The following TRDN variants were observed in gnomAD, a reference collection of about 807,000 sequenced individuals.
The protein encoded by TRDN is triadin.
A neutral mutation model predicts 149.7 loss-of-function variants in TRDN; 161 were observed. The ratio of observed to expected loss-of-function variants is 1.08; its 90% CI spans 0.95 to 1.23. TRDN has a LOEUF of 1.23. Among genes scored for constraint, TRDN ranks in the 50% most tolerant of loss-of-function variants. TRDN has a pLI of 0.00. For synonymous variants in TRDN, 294 were observed against 250.5 expected (o/e 1.17, Z -1.64); for missense variants, 896 against 823.5 (o/e 1.09, Z -1.08).
intron 9 of TRDN, chr6:123,470,500 C>T (rs535647416): frequency 3.9e-5 from 6 of 152,202 alleles, no homozygotes; most frequent in Admixed American, 2.0e-4. Flanking sequence ...AAAAGCAAGT[C>T]AATATTTCAG....
At chr6:123,310,569 A>G (rs1432618429) in intron 24 of TRDN, among the ~76,000 whole-genome samples, 1 of 152,030 alleles carries the variant, frequency 6.6e-6, no homozygotes, top group African/African-American at 2.4e-5. Context: ...TGAAGTCATT[A>G]TATGACAACT....
chr6:123,632,192 C>T (rs1732185931), intron 1 of TRDN, among the ~76,000 whole-genome samples: 2 of 152,156 alleles, frequency 1.3e-5, no homozygotes, highest in Non-Finnish European at 2.9e-5. Context: ...GTTGTTTGTA[C>T]TGTAGAGGTT....
chr6:123,239,098 C>T (rs1236845996), intron 38 of TRDN, among the ~76,000 whole-genome samples: 1 of 152,146 alleles, frequency 6.6e-6, no homozygotes, highest in Non-Finnish European at 1.5e-5. Flanking sequence ...CTCGGCCTTC[C>T]AAAGTGCTGG....
intron 24 of TRDN, among the ~76,000 whole-genome samples, chr6:123,289,445 G>A (rs1177636679): frequency 6.6e-6 from 1 of 151,978 alleles, no homozygotes; most frequent in African/African-American, 2.4e-5. Context: ...ATAATAATGA[G>A]GTAGGGGGCA....
chr6:123,276,745 T>C (rs919356924), intron 26 of TRDN, among the ~76,000 whole-genome samples: 1 of 152,138 alleles, frequency 6.6e-6, no homozygotes, highest in African/African-American at 2.4e-5. Context: ...ATGAATTGAA[T>C]GTGACACTAG....
intron 10 of TRDN, among the ~76,000 whole-genome samples, chr6:123,442,858 C>T (rs1448506537): frequency 6.6e-6 from 1 of 152,012 alleles, no homozygotes; most frequent in Non-Finnish European, 1.5e-5. Context: ...ATAAGCAAGA[C>T]AGAAACATGT....
intron 7 of TRDN, among the ~76,000 whole-genome samples, chr6:123,504,264 G>C (rs1374247037): frequency 1.3e-5 from 2 of 152,000 alleles, no homozygotes; most frequent in East Asian, 3.9e-4. Context: ...TTCTGTGAAA[G>C]ACAATTTCCA....
At position 123,516,199 on chromosome 6, in the gene TRDN, G is replaced by C. The variant is rs1297991573; in HGVS notation, c.492C>G (p.His164Gln). ...TTTCTTTTCCTTTTTCTTTTTCTTT[G>C]TGTGTAACTGAAAAGAAACAGATAA... ...PERKIQTKVT[H>Q]KEKEKGKEKV... is the part of the protein sequence containing the mutation. The change falls in exon 6 of 41, where the codon CAC becomes CAG. Residue 164 changes from histidine to glutamine, a missense_variant. His to Gln is a conservative substitution (Grantham distance 24). Transcript: ENST00000334268. 6.8e-7 allele frequency: 1 copy of C among 1,461,226 alleles called. No individual in the cohort carries two copies. Among genetic ancestry groups the C allele is most frequent in the East Asian group, 2.7e-5 (1 of 36,856 alleles). The allele number at this position is 1,461,226 out of a possible 1,614,324, so 90.5% of individuals were successfully genotyped here.
intron 12 of TRDN, among the ~76,000 whole-genome samples, chr6:123,415,724 T>C (rs1238824077): frequency 6.6e-6 from 1 of 152,168 alleles, no homozygotes; most frequent in Non-Finnish European, 1.5e-5. Context: ...TAAAGGTCAA[T>C]GGTACCTCAG....
Position 123,271,166 on chromosome 6 carries a change from C to T in TRDN, c.1693G>A (p.Val565Ile), listed in dbSNP as rs565178454. Residue 565 changes from valine to isoleucine, a missense_variant, in exon 30 of 41, where the codon GTA becomes ATA. Val to Ile is a conservative substitution (Grantham distance 29, BLOSUM62 3). Coordinates refer to ENST00000334268, the MANE Select transcript of TRDN (RefSeq NM_006073.4). Reference protein sequence around the residue: ...GKPEEKVLKQVKAVTIEKTAK... With the variant: ...GKPEEKVLKQIKAVTIEKTAK... Reference sequence around the variant, plus strand: ...GTTTTTTCTATTGTGACAGCTTTTACCTGCTTGAGAACTTTTTCTTCTGTG... The same window carrying T: ...GTTTTTTCTATTGTGACAGCTTTTATCTGCTTGAGAACTTTTTCTTCTGTG... 3.2e-6 allele frequency: 5 copies of T among 1,539,962 alleles called. No individual in the cohort carries two copies. In the East Asian group the frequency reaches 7.2e-5, roughly 22 times the overall value.
intron 24 of TRDN, among the ~76,000 whole-genome samples, chr6:123,280,789 G>A (rs1055210151): frequency 4.6e-5 from 7 of 150,578 alleles, no homozygotes; most frequent in African/African-American, 1.7e-4. Context: ...TTATCATTAT[G>A]TTAGTCATAA....
Position 123,278,373 on chromosome 6 carries a change from A to T in TRDN, c.1538-26T>A, listed in dbSNP as rs969053824. ...CTAAAAATATAGATGAACATTAGTA[A>T]CAATGATTATAGAAAGATATTCATT... On this transcript the variant is annotated intron_variant, in intron 25 of 40. Coordinates refer to ENST00000334268, the MANE Select transcript of TRDN (RefSeq NM_006073.4). 7.3e-6 allele frequency: 9 copies of T among 1,230,170 alleles called. No homozygotes were observed. The South Asian group carries it at 1.4e-4, about 19-fold the overall frequency. 76.2% of individuals were successfully genotyped at this position (1,230,170 alleles called of 1,614,324 possible).
At chr6:123,532,630 C>G (rs944893850) in intron 4 of TRDN, among the ~76,000 whole-genome samples, 5 of 151,912 alleles carry the variant, frequency 3.3e-5, no homozygotes, top group African/African-American at 1.2e-4. Context: ...ATCGCATAAT[C>G]CAATTCCTTG....
intron 24 of TRDN, among the ~76,000 whole-genome samples, chr6:123,284,643 T>C (rs984092569): frequency 6.0e-4 from 91 of 152,012 alleles, no homozygotes; most frequent in Non-Finnish European, 1.3e-3. Flanking sequence ...CTGTTCAACA[T>C]AGTACTGGAA....
chr6:123,577,517 T>C (rs1683709178), intron 1 of TRDN, among the ~76,000 whole-genome samples: 1 of 152,212 alleles, frequency 6.6e-6, no homozygotes, highest in South Asian at 2.1e-4. Flanking sequence ...ATGGTGTATA[T>C]GTACCACATT....
intron 12 of TRDN, among the ~76,000 whole-genome samples, chr6:123,408,260 G>A (rs1271176538): frequency 1.3e-5 from 2 of 152,076 alleles, no homozygotes; most frequent in Non-Finnish European, 2.9e-5. Flanking sequence ...CAAAATCTCT[G>A]AATTTCATTG....
At chr6:123,433,153 TATATATATA>T (rs1298997906) in intron 12 of TRDN, among the ~76,000 whole-genome samples, 3,079 of 62,628 alleles carry the variant, frequency 0.049, 63 homozygotes, top group African/African-American at 0.094. Context: ...AATATATATA[TATATATATA>T]ATATATATAT....
intron 21 of TRDN, chr6:123,351,187 T>C: frequency 3.0e-6 from 3 of 984,096 alleles, no homozygotes; most frequent in Non-Finnish European, 3.6e-6. Flanking sequence ...ATTTATGTCA[T>C]CTGTGTTGAA....
chr6:123,259,639 C>G lies in TRDN; in HGVS notation c.1855G>C (p.Glu619Gln). 4.8e-6 allele frequency: 7 copies of G among 1,470,246 alleles called. No homozygotes were observed. Among genetic ancestry groups the G allele is most frequent in the Non-Finnish European group, 6.4e-6 (7 of 1,086,808 alleles). The allele number at this position is 1,470,246 out of a possible 1,614,324, so 91.1% of individuals were successfully genotyped here. A position where few individuals can be genotyped will look rare whatever the true frequency, so the allele number is the denominator to read the frequency against. ...TCATTTTTACCTTTACTTTCTTTTT[C>G]AGATATTTCAGTTTTCTTCTTTCCT... The part of the protein sequence containing the change: ...ESGKKKTEIS[E>Q]KESKEKADMK... Residue 619 changes from glutamate (E) to glutamine (Q), a missense_variant, in exon 35 of 41, where the codon GAA becomes CAA. Glu to Gln is a conservative substitution (Grantham distance 29). Coordinates refer to ENST00000334268, the MANE Select transcript of TRDN (RefSeq NM_006073.4).
Sources: gnomAD v4.1 joint callset for allele counts (sites outside exome capture counted in the v4.1 genomes callset) on GRCh38, gnomAD v4.1.1 for gene constraint, MANE v1.5 for transcripts, NCBI Gene and HGNC (gene_info 2026-07-23, HGNC 2026-07-21) for gene names.